NID1: variants seen among roughly 807,000 people sequenced by gnomAD.
The protein encoded by NID1 is nidogen-1.
A neutral mutation model predicts 130.6 loss-of-function variants in NID1; 76 were observed. That is an observed-to-expected ratio of 0.58 (90% confidence interval 0.48 to 0.70). The LOEUF (loss-of-function observed/expected upper bound fraction) is 0.70, where lower values mean the gene tolerates loss of function less well. Among genes scored for constraint, NID1 ranks in the 30% least tolerant of loss-of-function variants. The pLI is 0.00. For missense variants in NID1, 1,517 were observed against 1,664.8 expected, an observed-to-expected ratio of 0.91 and a Z score of 1.54; for synonymous variants, 665 against 675.1, an observed-to-expected ratio of 0.98 and a Z score of 0.23.
chr1:236,048,840 G>A lies in NID1; in HGVS notation c.375C>T (p.Asp125=). 2 of 1,614,178 alleles carry A rather than the reference G, an allele frequency of 1.2e-6. No individual in the cohort carries two copies. Among genetic ancestry groups the A allele is most frequent in the Non-Finnish European group, 1.7e-6 (2 of 1,180,036 alleles). ...CTCGCTGAGTGATGGAGGGGGATAA[G>A]TCTTCTCGATAATAAACCTTCCCCA... The part of the protein sequence containing the change: ...DGLGKVYYRE[D]LSPSITQRAA... Residue 125 remains aspartate (D), a synonymous_variant, in exon 2 of 20, where the codon GAC becomes GAT. Transcript: ENST00000264187.
chr1:236,012,558 CAAAAA>C (rs56183830), intron 11 of NID1, among the ~76,000 whole-genome samples: 4 of 98,086 alleles, frequency 4.1e-5, no homozygotes, highest in East Asian at 5.3e-4. Context: ...AATGCCATCT[CAAAAA>C]AAAAAAAAAA....
chr1:236,059,035 T>C (rs1412863390), intron 1 of NID1, among the ~76,000 whole-genome samples: 1 of 152,252 alleles, frequency 6.6e-6, no homozygotes, highest in Non-Finnish European at 1.5e-5. Flanking sequence ...AGGCATTTAG[T>C]ACAACCATCC....
chr1:236,017,339 A>C (rs1281159594), intron 9 of NID1, 66 bp from the exon 10 acceptor site: 2 of 1,537,564 alleles, frequency 1.3e-6, no homozygotes, highest in African/African-American at 1.4e-5. Flanking sequence ...ACTGACTATA[A>C]TAAAATAGCA....
intron 13 of NID1, among the ~76,000 whole-genome samples, chr1:235,992,095 T>A (rs1657765359): frequency 6.6e-6 from 1 of 152,164 alleles, no homozygotes; most frequent in South Asian, 2.1e-4. Context: ...GAGGGCTGAT[T>A]GGGTGTCTGG....
intron 4 of NID1, among the ~76,000 whole-genome samples, 161 bp downstream of exon 4, chr1:236,041,749 A>G (rs974603831): frequency 5.3e-5 from 8 of 152,156 alleles, no homozygotes; most frequent in Admixed American, 3.3e-4. Flanking sequence ...GGCATATAAC[A>G]CCAAGGCTCC....
At chr1:236,021,309 C>T (rs1658755656) in intron 9 of NID1, among the ~76,000 whole-genome samples, 1 of 152,214 alleles carries the variant, frequency 6.6e-6, no homozygotes, top group African/African-American at 2.4e-5. Flanking sequence ...ACTATGTCCC[C>T]TCCCTAGCGA....
intron 9 of NID1, among the ~76,000 whole-genome samples, chr1:236,022,984 A>G (rs895830378): frequency 1.3e-5 from 2 of 151,616 alleles, no homozygotes; most frequent in African/African-American, 4.8e-5. Context: ...ACTTGAGCCC[A>G]GGAGGCAGAG....
Position 236,048,819 on chromosome 1 carries a change from C to G in NID1, c.396G>C (p.Gln132His). ...YREDLSPSIT[Q>H]RAAECVHRGF... ...CTCTGTGGACACACTCTGCTGCTCGCTGAGTGATGGAGGGGGATAAGTCTT... is the reference window on the plus strand; with the variant it reads ...CTCTGTGGACACACTCTGCTGCTCGGTGAGTGATGGAGGGGGATAAGTCTT... The change falls in exon 2 of 20, where the codon CAG becomes CAC. Residue 132 changes from glutamine (Q) to histidine (H), a missense_variant. By Grantham distance (24) the Gln-to-His change is conservative. Transcript: ENST00000264187. 6.2e-7 allele frequency: 1 copy of G among 1,614,150 alleles called. No homozygotes were observed. The highest frequency in any genetic ancestry group is 8.5e-7 in the Non-Finnish European group (1 of 1,180,034).
chr1:236,042,348 AC>A (rs1450440386), intron 3 of NID1, 56 bp from the exon 4 acceptor site: 4 of 1,559,364 alleles, frequency 2.6e-6, no homozygotes, highest in Non-Finnish European at 3.5e-6. Context: ...AACAGCCACC[AC>A]TACCCAAGCA....
rs1003563656 is a variant in NID1 at position 236,032,787 on chromosome 1, G to T, written c.1286-135C>A. 12 of 1,187,060 alleles carry T rather than the reference G, an allele frequency of 1.0e-5. No homozygotes were observed. In the African/African-American group the frequency reaches 1.5e-4, roughly 15 times the overall value. 73.5% of individuals were successfully genotyped at this position (1,187,060 alleles called of 1,614,324 possible). On this transcript the variant is annotated intron_variant, in intron 5 of 19. Transcript: ENST00000264187. Reference sequence around the variant, plus strand: ...ACAGCACTGGGGTCAATGGCTTTGGGTAAGCAAAAGCAGCTGTTCTTCCTG... The same window carrying T: ...ACAGCACTGGGGTCAATGGCTTTGGTTAAGCAAAAGCAGCTGTTCTTCCTG...
At chr1:235,999,483 T>C (rs4660142) in intron 12 of NID1, among the ~76,000 whole-genome samples, 136,328 of 151,918 alleles carry the variant, frequency 0.9, 61,436 homozygotes, top group African/African-American at 0.97. Flanking sequence ...CTAGGGAGAG[T>C]CCCCTGCTGA....
chr1:235,991,133 A>ACC (rs1657726582), intron 13 of NID1, 75 bp from the exon 14 acceptor site: 7 of 1,092,006 alleles, frequency 6.4e-6, no homozygotes, highest in East Asian at 3.8e-5. Context: ...ACACACCCCC[A>ACC]CACACATGCA....
chr1:235,992,197 G>C (rs1027047686), intron 13 of NID1, among the ~76,000 whole-genome samples: 5 of 152,200 alleles, frequency 3.3e-5, no homozygotes, highest in South Asian at 2.1e-4. Context: ...TCTACAGTGA[G>C]AGCTGGACAA....
chr1:236,011,953 T>C lies in NID1; in HGVS notation c.2495A>G (p.Tyr832Cys). 8 of 1,614,174 alleles carry C rather than the reference T, an allele frequency of 5.0e-6. No individual in the cohort carries two copies. Among genetic ancestry groups the C allele is most frequent in the Non-Finnish European group, 6.8e-6 (8 of 1,180,032 alleles). The change falls in exon 12 of 20, where the codon TAT (tyrosine) becomes TGT (cysteine). Residue 832 changes from tyrosine to cysteine, a missense_variant. This residue lies in a region of NID1 where 1,329 missense variants were observed against 1,429.2 expected (regional missense o/e 0.93). Coordinates refer to ENST00000264187, the MANE Select transcript of NID1 (RefSeq NM_002508.3). ...CACGCAACGGAAGCCGTCTCCCTGA[T>C]AACCAGGTTTGCACTGGCACGTGAA... Reference protein sequence around the residue: ...GSFTCQCKPGYQGDGFRCVPG... With the variant: ...GSFTCQCKPGCQGDGFRCVPG...
chr1:236,018,872 A>G (rs1272598513), intron 9 of NID1, among the ~76,000 whole-genome samples: 3 of 152,154 alleles, frequency 2.0e-5, no homozygotes, highest in Admixed American at 2.0e-4. Flanking sequence ...GACATGTGGG[A>G]GTCAAAGCCT....
At chr1:236,049,529 T>A (rs1659702453) in intron 1 of NID1, among the ~76,000 whole-genome samples, 1 of 152,130 alleles carries the variant, frequency 6.6e-6, no homozygotes, top group African/African-American at 2.4e-5. Context: ...AGCCCCCACC[T>A]TTTAAGAAAT....
chr1:236,046,778 A>G (rs1353188861), intron 2 of NID1, among the ~76,000 whole-genome samples: 3 of 152,222 alleles, frequency 2.0e-5, no homozygotes, highest in African/African-American at 7.2e-5. Context: ...GACACTTAAC[A>G]TTTAAGCTGT....
At chr1:236,031,126 C>CTT (rs199921866) in intron 6 of NID1, among the ~76,000 whole-genome samples, 1 of 147,994 alleles carries the variant, frequency 6.8e-6, no homozygotes, top group African/African-American at 2.5e-5. Context: ...TTCTTTTTTT[C>CTT]TTTTTTTTTT....
chr1:236,007,719 G>A (rs1399864906), intron 12 of NID1, among the ~76,000 whole-genome samples: 3 of 152,096 alleles, frequency 2.0e-5, no homozygotes, highest in Non-Finnish European at 4.4e-5. Context: ...CTTCAGCAGG[G>A]ATCCTTCTTT....
Sources: allele counts gnomAD v4.1 joint callset (sites outside exome capture counted in the v4.1 genomes callset), GRCh38; gene constraint gnomAD v4.1.1; regional missense constraint gnomAD v4.1.1; transcripts MANE v1.5; gene names NCBI Gene and HGNC (gene_info 2026-07-23, HGNC 2026-07-21).